Variants in USH2A observed in about 807,000 individuals in gnomAD.
USH2A encodes the protein Usher syndrome 2A (autosomal recessive, mild).
USH2A carries 443 observed loss-of-function variants against 538.9 expected under a neutral mutation model. The ratio of observed to expected loss-of-function variants is 0.82; its 90% CI spans 0.76 to 0.89. The LOEUF is 0.89. Ranked by LOEUF, USH2A falls within the 40% of genes least tolerant of loss-of-function variation. The pLI, the probability that USH2A is intolerant of heterozygous loss-of-function variation, is 0.00. For synonymous variants in USH2A, 2,413 were observed against 2,273.5 expected (o/e 1.06, Z -1.75); for missense variants, 6,633 against 6,324.8 (o/e 1.05, Z -1.65).
At chr1:216,288,677 A>T (rs1418173699) in intron 11 of USH2A, among the ~76,000 whole-genome samples, 1 of 152,174 alleles carries the variant, frequency 6.6e-6, no homozygotes, top group Admixed American at 6.5e-5. Flanking sequence ...TCAGAACAGG[A>T]AAAACTTCAG....
rs1318703845 is a variant in USH2A, at chr1:215,624,938, T to G, written c.*843A>C. On this transcript the variant is annotated 3_prime_UTR_variant, in exon 72 of 72. Coordinates refer to ENST00000307340, the MANE Select transcript of USH2A (RefSeq NM_206933.4). ...ATGTGCTAGGTTGAAGATGTCAGTATTCTCTGATATTCAGTGAATTGACAG... is the reference window on the plus strand; with the variant it reads ...ATGTGCTAGGTTGAAGATGTCAGTAGTCTCTGATATTCAGTGAATTGACAG... The G allele has an allele frequency of 1.3e-5, 2 of 152,196 alleles. No individual in the cohort carries two copies. Among genetic ancestry groups the G allele is most frequent in the African/African-American group, 4.8e-5 (2 of 41,462 alleles). The allele number at this position is 152,196 out of a possible 1,614,324, so 9.4% of individuals were successfully genotyped here.
intron 32 of USH2A, among the ~76,000 whole-genome samples, chr1:216,011,836 G>A (rs776924573): frequency 7.2e-5 from 11 of 151,854 alleles, no homozygotes; most frequent in South Asian, 2.1e-4. Flanking sequence ...TTCCTGGCCC[G>A]GACTTCAATC....
intron 32 of USH2A, among the ~76,000 whole-genome samples, chr1:216,030,295 T>C (rs1348995145): frequency 7.3e-6 from 1 of 137,834 alleles, no homozygotes; most frequent in Non-Finnish European, 1.5e-5. Context: ...ATATAATATA[T>C]AAGATATATA....
chr1:216,092,872 T>C (rs1361625193), intron 22 of USH2A, among the ~76,000 whole-genome samples: 1 of 152,114 alleles, frequency 6.6e-6, no homozygotes, highest in Non-Finnish European at 1.5e-5. Context: ...ACTCAAGCAG[T>C]TTTACCTTAT....
At chr1:215,730,129 A>G (rs1659950353) in intron 60 of USH2A, among the ~76,000 whole-genome samples, 1 of 152,194 alleles carries the variant, frequency 6.6e-6, no homozygotes, top group Non-Finnish European at 1.5e-5. Context: ...TAAATATAGA[A>G]GTAAGAGAAA....
chr1:215,721,150 C>A (rs535957833), intron 61 of USH2A, among the ~76,000 whole-genome samples: 1 of 152,166 alleles, frequency 6.6e-6, no homozygotes, highest in South Asian at 2.1e-4. Context: ...TCTCGGCTCT[C>A]TGCAGCCTCC....
chr1:215,626,434 T>C (rs1222105803), intron 71 of USH2A, among the ~76,000 whole-genome samples: 1 of 151,878 alleles, frequency 6.6e-6, no homozygotes, highest in Non-Finnish European at 1.5e-5. Context: ...TACACACATA[T>C]ATATGGATTT....
chr1:216,351,889 C>A (rs2038294894), intron 4 of USH2A, among the ~76,000 whole-genome samples: 1 of 151,926 alleles, frequency 6.6e-6, no homozygotes. Flanking sequence ...AAGGATGACT[C>A]CAAATCTTTT....
At chr1:215,739,525 T>A (rs12741629) in intron 60 of USH2A, among the ~76,000 whole-genome samples, 64,575 of 152,124 alleles carry the variant, frequency 0.42, 16,119 homozygotes, top group South Asian at 0.62. Flanking sequence ...GATGTGCTTT[T>A]CTCATGCAAT....
At position 215,648,800 on chromosome 1, in the gene USH2A, G is replaced by A. The variant is rs1373406811; in HGVS notation, c.14344-34C>T. The A allele has an allele frequency of 3.2e-6, 5 of 1,586,254 alleles. No individual in the cohort carries two copies. The South Asian group carries it at 5.5e-5, about 18-fold the overall frequency. On this transcript the variant is annotated intron_variant, in intron 65 of 71. Coordinates refer to ENST00000307340, the MANE Select transcript of USH2A (RefSeq NM_206933.4). ...GGAAGGAAGGCTAGATAAAGGCAGT[G>A]TCAAACATTAAAGGTGTTTGATGAA...
At chr1:216,045,773 G>T (rs2030488477) in intron 32 of USH2A, among the ~76,000 whole-genome samples, 1 of 152,118 alleles carries the variant, frequency 6.6e-6, no homozygotes, top group South Asian at 2.1e-4. Flanking sequence ...AAAGGTAATT[G>T]CTAGAAGGAT....
At position 215,634,664 on chromosome 1, in the gene USH2A, C is replaced by CTCTGT; in HGVS notation, c.15091_15092insACAGA (p.Arg5031HisfsTer16). The CTCTGT allele has an allele frequency of 6.2e-7, 1 of 1,614,234 alleles. No individual in the cohort carries two copies. The highest frequency in any genetic ancestry group is 8.5e-7 in the Non-Finnish European group (1 of 1,180,050). On this transcript the variant is annotated frameshift_variant, in exon 70 of 72. Coordinates refer to ENST00000307340, the MANE Select transcript of USH2A (RefSeq NM_206933.4). LOFTEE classifies it high-confidence loss of function. Reference sequence around the variant, plus strand: ...GCTGTAGAACTCTGTGCTTTTGCTCCGCGATCCCTTCTTTTTCCCAGGAGT... The same window carrying CTCTGT: ...GCTGTAGAACTCTGTGCTTTTGCTCCTCTGTGCGATCCCTTCTTTTTCCCAGGAGT...
rs557400482 is a variant in USH2A at position 215,996,471 on chromosome 1, T to G, written c.6657+2416A>C. ...TGTCTGTATTAATAGCTTCTTTATT[T>G]TATTTTTAACATATTGTCTTCTTTA... On this transcript the variant is annotated intron_variant, in intron 34 of 71. Transcript: ENST00000307340. Among the ~76,000 whole-genome samples the G allele has an allele frequency of 2.1e-3, 322 of 152,124 alleles. 3 individuals carry two copies. The highest frequency in any genetic ancestry group is 7.3e-3 in the African/African-American group (304 of 41,510).
At chr1:215,952,782 A>T (rs945719109) in intron 37 of USH2A, among the ~76,000 whole-genome samples, 76 of 152,266 alleles carry the variant, frequency 5.0e-4, no homozygotes, top group African/African-American at 1.8e-3. Flanking sequence ...TTTGTGGGTA[A>T]CCCGACCTTT....
intron 50 of USH2A, among the ~76,000 whole-genome samples, chr1:215,794,363 G>T (rs1274468293): frequency 6.6e-6 from 1 of 152,154 alleles, no homozygotes; most frequent in Non-Finnish European, 1.5e-5. Context: ...GAGCCAGCCC[G>T]GTCTCGTGGC....
At position 216,120,219 on chromosome 1, in the gene USH2A, C is replaced by CAAAAA. The variant is rs10525093; in HGVS notation, c.4628-23011_4628-23007dup. On this transcript the variant is annotated intron_variant, in intron 21 of 71. Transcript: ENST00000307340. Reference sequence around the variant, plus strand: ...TATTAAAACAGGTCATACTAAATAGCAAAAAAAAAAAAAAAAAAAAAAAAA... The same window carrying CAAAAA: ...TATTAAAACAGGTCATACTAAATAGCAAAAAAAAAAAAAAAAAAAAAAAAAAAAAA... Among the ~76,000 whole-genome samples, 130 of 100,006 alleles carry CAAAAA rather than the reference C, an allele frequency of 1.3e-3. 11 individuals are homozygous for CAAAAA. The highest frequency in any genetic ancestry group is 5.3e-3 in the South Asian group (13 of 2,448). The allele number at this position is 100,006 out of a possible 152,430, so 65.6% of individuals were successfully genotyped here.
At chr1:216,216,300 C>A (rs891881532) in intron 15 of USH2A, among the ~76,000 whole-genome samples, 1 of 152,022 alleles carries the variant, frequency 6.6e-6, no homozygotes, top group South Asian at 2.1e-4. Context: ...TGATGAAATG[C>A]GGGATGCTGA....
chr1:215,998,805 G>T (rs1303990739), intron 34 of USH2A, 82 bp downstream of exon 34: 2 of 1,463,318 alleles, frequency 1.4e-6, no homozygotes, highest in African/African-American at 1.4e-5. Context: ...TTTTAAGTGA[G>T]AGAGAAAGAA....
intron 65 of USH2A, among the ~76,000 whole-genome samples, chr1:215,649,023 A>G (rs892791462): frequency 6.6e-6 from 1 of 152,218 alleles, no homozygotes; most frequent in African/African-American, 2.4e-5. Context: ...ACAAGGCATA[A>G]TATTATCGAT....
Sources: gnomAD v4.1 joint callset for allele counts (sites outside exome capture counted in the v4.1 genomes callset) on GRCh38, gnomAD v4.1.1 for gene constraint, MANE v1.5 for transcripts, NCBI Gene and HGNC (gene_info 2026-07-23, HGNC 2026-07-21) for gene names.